HIP1: variants seen among roughly 807,000 people sequenced by gnomAD.
HIP1 encodes huntingtin-interacting protein 1.
Under a neutral mutation model 147.6 loss-of-function variants are expected in HIP1, and 65 were observed. The observed-to-expected ratio is 0.44, with a 90% confidence interval of 0.36 to 0.54. The LOEUF is 0.54. Among genes scored for constraint, HIP1 ranks in the 20% least tolerant of loss-of-function variants. HIP1 has a pLI of 0.00. For synonymous variants in HIP1, 479 were observed against 504.0 expected (o/e 0.95, Z 0.67); for missense variants, 1,061 against 1,299.6 (o/e 0.82, Z 2.82).
At chr7:75,559,994 C>T (rs1231402895) in intron 13 of HIP1, 79 bp from the exon 14 acceptor site, 2 of 1,375,076 alleles carry the variant, frequency 1.5e-6, no homozygotes, top group Non-Finnish European at 1.9e-6. Flanking sequence ...CGGGTCCTAC[C>T]ATGCTTCCAA....
At chr7:75,563,470 GTAAT>G in intron 9 of HIP1, 1 of 573,960 alleles carries the variant, frequency 1.7e-6, no homozygotes, top group South Asian at 2.2e-5. Context: ...TGAGGAAAGA[GTAAT>G]TCATGCTACA....
At position 75,534,851 on chromosome 7, in the gene HIP1, G is replaced by A. The variant is rs1794025320; in HGVS notation, c.*3321C>T. On this transcript the variant is annotated 3_prime_UTR_variant, in exon 31 of 31. Coordinates refer to ENST00000336926, the MANE Select transcript of HIP1 (RefSeq NM_005338.7). ...CTTGTCGATCCTAAGCCATGATTTT[G>A]TTGCTGTCCCATCTTGTCATGACCC... 9.7e-6 allele frequency: 2 copies of A among 205,588 alleles called. No individual in the cohort carries two copies. The highest frequency in any genetic ancestry group is 2.0e-5 in the Non-Finnish European group (2 of 100,532). The allele number at this position is 205,588 out of a possible 1,614,324, so 12.7% of individuals were successfully genotyped here.
chr7:75,543,685 C>T (rs1202905262), intron 27 of HIP1, among the ~76,000 whole-genome samples: 1 of 152,176 alleles, frequency 6.6e-6, no homozygotes, highest in African/African-American at 2.4e-5. Context: ...ATCTCACAGC[C>T]AAGCCAGGTA....
intron 1 of HIP1, 70 bp from the exon 2 acceptor site, chr7:75,599,317 C>G (rs377020872): frequency 1.0e-5 from 12 of 1,205,238 alleles, no homozygotes; most frequent in African/African-American, 6.0e-5. Context: ...CTGAGACCCT[C>G]CCAGATGCCC....
chr7:75,639,946 C>T (rs1354457567), intron 1 of HIP1, among the ~76,000 whole-genome samples: 1 of 152,188 alleles, frequency 6.6e-6, no homozygotes, highest in Non-Finnish European at 1.5e-5. Context: ...GCCAGCCCTT[C>T]CTGGAGTGAG....
intron 1 of HIP1, among the ~76,000 whole-genome samples, chr7:75,606,303 C>T (rs1263369110): frequency 7.2e-5 from 11 of 152,164 alleles, no homozygotes; most frequent in African/African-American, 1.7e-4. Flanking sequence ...CAGAAGGATG[C>T]ATCCATGGTG....
chr7:75,640,773 T>A lies in HIP1; in HGVS notation c.121-41526A>T, dbSNP rs1426058124. Among the ~76,000 whole-genome samples, 466 of 149,152 alleles carry A rather than the reference T, an allele frequency of 3.1e-3. 4 individuals are homozygous for A. Among genetic ancestry groups the A allele is most frequent in the African/African-American group, 0.011 (457 of 40,630 alleles). Reference sequence around the variant, plus strand: ...ATCTCAATAATAATAATAATAATAATAATAATAATAATAAATAATGAACAG... The same window carrying A: ...ATCTCAATAATAATAATAATAATAAAAATAATAATAATAAATAATGAACAG... On this transcript the variant is annotated intron_variant, in intron 1 of 30. Transcript: ENST00000336926.
chr7:75,549,145 T>C (rs1420440653), intron 22 of HIP1, 144 bp from the exon 23 acceptor site: 2 of 613,386 alleles, frequency 3.3e-6, no homozygotes, highest in African/African-American at 1.8e-5. Flanking sequence ...GGGGGGTCTT[T>C]TGCAGACCCC....
At chr7:75,723,945 T>TAG (rs1269584975) in intron 1 of HIP1, among the ~76,000 whole-genome samples, 10 of 130,038 alleles carry the variant, frequency 7.7e-5, no homozygotes, top group East Asian at 7.7e-4. Context: ...CATTTATATA[T>TAG]ATATAGAGAG....
At chr7:75,606,106 C>T (rs1412124360) in intron 1 of HIP1, among the ~76,000 whole-genome samples, 1 of 152,118 alleles carries the variant, frequency 6.6e-6, no homozygotes, top group African/African-American at 2.4e-5. Flanking sequence ...GCTTCAACCT[C>T]CTAAAGTGCT....
At chr7:75,658,235 C>G (rs1799203997) in intron 1 of HIP1, among the ~76,000 whole-genome samples, 1 of 152,174 alleles carries the variant, frequency 6.6e-6, no homozygotes, top group Non-Finnish European at 1.5e-5. Flanking sequence ...TTACACGCAT[C>G]TGCCATCACA....
At chr7:75,656,578 A>G (rs1799148316) in intron 1 of HIP1, among the ~76,000 whole-genome samples, 1 of 152,142 alleles carries the variant, frequency 6.6e-6, no homozygotes, top group Non-Finnish European at 1.5e-5. Flanking sequence ...CCTGGGTTCA[A>G]GCGATTCTCC....
intron 1 of HIP1, among the ~76,000 whole-genome samples, chr7:75,663,734 G>T (rs897295790): frequency 1.3e-5 from 2 of 150,928 alleles, no homozygotes; most frequent in African/African-American, 4.9e-5. Flanking sequence ...TATTTAGGAG[G>T]TAAAACCCAG....
At chr7:75,579,767 G>T (rs1195954571) in intron 7 of HIP1, among the ~76,000 whole-genome samples, 3 of 152,176 alleles carry the variant, frequency 2.0e-5, no homozygotes, top group Non-Finnish European at 4.4e-5. Context: ...GAAATTCGGG[G>T]TCAGAGAGTC....
chr7:75,731,380 A>G (rs1187168902), intron 1 of HIP1, among the ~76,000 whole-genome samples: 1 of 150,288 alleles, frequency 6.7e-6, no homozygotes, highest in Non-Finnish European at 1.5e-5. Context: ...CTACTCCTGA[A>G]GCTGAGGTGA....
chr7:75,592,715 TGCCTTGGAGGGAGC>T (rs1796546874), intron 2 of HIP1, among the ~76,000 whole-genome samples: 1 of 152,138 alleles, frequency 6.6e-6, no homozygotes, highest in Non-Finnish European at 1.5e-5. Context: ...TGGTTGGCAG[TGCCTTGGAGGGAGC>T]GCCGCTCAGA....
rs1799403358 is a variant in HIP1 at position 75,663,961 on chromosome 7, TA to T, written c.121-64715del. 2.6e-4 allele frequency among the ~76,000 whole-genome samples: 12 copies of T among 46,034 alleles called. 2 individuals are homozygous for T. In the East Asian group the frequency reaches 6.1e-3, roughly 23 times the overall value. The allele number at this position is 46,034 out of a possible 152,430, so 30.2% of individuals were successfully genotyped here. On this transcript the variant is annotated intron_variant, in intron 1 of 30. Coordinates refer to ENST00000336926, the MANE Select transcript of HIP1 (RefSeq NM_005338.7). ...ATATATATATATACACATATATGTGTATATATATATACACATATATGTGTAT... is the reference window on the plus strand; with the variant it reads ...ATATATATATATACACATATATGTGTTATATATATACACATATATGTGTAT...
chr7:75,543,519 T>G (rs1563189709), intron 27 of HIP1, among the ~76,000 whole-genome samples: 1 of 152,022 alleles, frequency 6.6e-6, no homozygotes, highest in African/African-American at 2.4e-5. Context: ...ACCCGGCTAA[T>G]TTTTTGTATT....
At chr7:75,662,303 C>T (rs1799347453) in intron 1 of HIP1, among the ~76,000 whole-genome samples, 1 of 152,144 alleles carries the variant, frequency 6.6e-6, no homozygotes, top group South Asian at 2.1e-4. Flanking sequence ...CCCACCCCAG[C>T]CTCCCGAGTA....
Sources: allele counts gnomAD v4.1 joint callset (sites outside exome capture counted in the v4.1 genomes callset), GRCh38; gene constraint gnomAD v4.1.1; transcripts MANE v1.5; gene names NCBI Gene and HGNC (gene_info 2026-07-23, HGNC 2026-07-21).